Variants in HDAC8 observed in about 807,000 individuals in gnomAD.
HDAC8 encodes the protein histone deacetylase 8.
Under a neutral mutation model 32.2 loss-of-function variants are expected in HDAC8, and 1 was observed. That is an observed-to-expected ratio of 0.03 (90% CI 0.01 to 0.15). The LOEUF is 0.15. Among genes scored for constraint, HDAC8 ranks in the 10% least tolerant of loss-of-function variants. The pLI is 1.00. For missense variants in HDAC8, 117 were observed against 300.0 expected (o/e 0.39, Z 4.51); for synonymous variants, 108 against 113.9 (o/e 0.95, Z 0.33).
chrX:72,445,766 A>C (rs782594465), intron 9 of HDAC8, among the ~76,000 whole-genome samples: 3 of 112,047 alleles, frequency 2.7e-5, no homozygotes, highest in African/African-American at 9.7e-5. Context: ...AATGGGAGAA[A>C]ATTTTCACAA....
At chrX:72,509,406 G>C (rs1473928798) in intron 4 of HDAC8, among the ~76,000 whole-genome samples, 1 of 111,767 alleles carries the variant, frequency 8.9e-6, no homozygotes, top group Non-Finnish European at 1.9e-5. Flanking sequence ...ACCCCGCCCG[G>C]CCTCTCTTAG....
At chrX:72,523,691 T>C (rs1467472175) in intron 4 of HDAC8, among the ~76,000 whole-genome samples, 1 of 112,038 alleles carries the variant, frequency 8.9e-6, no homozygotes, top group Non-Finnish European at 1.9e-5. Context: ...CCAATAGTAA[T>C]AGTGATATTA....
chrX:72,469,935 G>A (rs1393460435), intron 7 of HDAC8, among the ~76,000 whole-genome samples: 4 of 110,345 alleles, frequency 3.6e-5, no homozygotes, highest in Admixed American at 1.9e-4. Context: ...GATCACTTGA[G>A]GTCAGGAGTT....
At chrX:72,552,592 C>T (rs2051115950) in intron 4 of HDAC8, among the ~76,000 whole-genome samples, 1 of 104,215 alleles carries the variant, frequency 9.6e-6, no homozygotes, top group Non-Finnish European at 2.0e-5. Context: ...CCAGCCTGGG[C>T]AACAAGAATG....
chrX:72,440,494 T>C (rs1240780994), intron 9 of HDAC8, among the ~76,000 whole-genome samples: 1 of 106,656 alleles, frequency 9.4e-6, no homozygotes, highest in Non-Finnish European at 1.9e-5. Context: ...CTGAAGGAGA[T>C]AGAGACACAA....
intron 9 of HDAC8, among the ~76,000 whole-genome samples, chrX:72,376,495 T>C (rs782001270): frequency 8.0e-5 from 9 of 112,066 alleles, no homozygotes; most frequent in Non-Finnish European, 5.6e-5. Flanking sequence ...CTTGGATCAC[T>C]GCAACCTCCA....
intron 9 of HDAC8, among the ~76,000 whole-genome samples, chrX:72,406,054 TCTC>T (rs1435028261): frequency 8.9e-6 from 1 of 111,852 alleles, no homozygotes; most frequent in Admixed American, 9.5e-5. Flanking sequence ...CCTGTTGACT[TCTC>T]CTTCCTGGTA....
intron 4 of HDAC8, among the ~76,000 whole-genome samples, chrX:72,523,472 T>C (rs1310904915): frequency 6.3e-5 from 7 of 111,700 alleles, no homozygotes; most frequent in Non-Finnish European, 1.3e-4. Flanking sequence ...CTTAAAACAC[T>C]TTCTTTCCTC....
rs781923234 is a variant in HDAC8 at position 72,406,069 on chromosome X, T to G, written c.1006-54231A>C. On this transcript the variant is annotated intron_variant, in intron 9 of 10. Transcript: ENST00000373573. ...CCTGTTGACTTCTCCTTCCTGGTAG[T>G]TAGTTTTCTTGTGTAAATTGTGATT... Among the ~76,000 whole-genome samples, 20 of 111,727 alleles carry G rather than the reference T, an allele frequency of 1.8e-4. 1 individual carries two copies. The South Asian group carries it at 7.7e-3, about 43-fold the overall frequency.
In HDAC8 at chrX:72,464,668, G is replaced by A; in HGVS notation, c.801C>T (p.Asp267=). The change falls in exon 8 of 11, where the codon GAC becomes GAT. Residue 267 remains aspartate, a synonymous_variant. Transcript: ENST00000373573. ...AGCACATGGGATCCCCAGCTATTGT[G>A]TCAGCTCCCAGCTGTAAGACCACTG... is the stretch of plus-strand genomic sequence containing the variant. The part of the protein sequence containing the change: ...PKAVVLQLGA[D]TIAGDPMCSF... 8.3e-7 allele frequency: 1 copy of A among 1,205,905 alleles called. No homozygotes were observed. Among genetic ancestry groups the A allele is most frequent in the Non-Finnish European group, 1.1e-6 (1 of 890,137 alleles).
chrX:72,537,591 A>G (rs1556040225), intron 4 of HDAC8, among the ~76,000 whole-genome samples: 1 of 112,292 alleles, frequency 8.9e-6, no homozygotes, highest in African/African-American at 3.2e-5. Context: ...TTCCTGGTCA[A>G]GGCATTAACA....
At chrX:72,450,632 A>T (rs1307006077) in intron 9 of HDAC8, among the ~76,000 whole-genome samples, 1 of 111,644 alleles carries the variant, frequency 9.0e-6, no homozygotes, top group African/African-American at 3.3e-5. Flanking sequence ...AAAAAAATTC[A>T]TTGGATGGAA....
intron 4 of HDAC8, among the ~76,000 whole-genome samples, chrX:72,535,388 T>C (rs962755472): frequency 1.6e-4 from 18 of 111,431 alleles, no homozygotes; most frequent in African/African-American, 5.9e-4. Flanking sequence ...CTTTCTCTTT[T>C]TGTATCTCTT....
At chrX:72,546,390 G>T (rs2050864613) in intron 4 of HDAC8, among the ~76,000 whole-genome samples, 1 of 111,205 alleles carries the variant, frequency 9.0e-6, no homozygotes, top group South Asian at 3.9e-4. Flanking sequence ...GGGGAAGAAG[G>T]ATGTGGTCAT....
intron 9 of HDAC8, among the ~76,000 whole-genome samples, chrX:72,357,514 C>G (rs782641425): frequency 4.5e-5 from 5 of 110,411 alleles, no homozygotes; most frequent in Non-Finnish European, 9.5e-5. Flanking sequence ...GTTCTGGCGA[C>G]AATTTGAAAT....
chrX:72,532,348 C>A (rs2050376129), intron 4 of HDAC8, among the ~76,000 whole-genome samples: 1 of 101,445 alleles, frequency 9.9e-6, no homozygotes, highest in African/African-American at 3.6e-5. Context: ...CCCACCTTGT[C>A]CTCCCAAAGT....
intron 7 of HDAC8, chrX:72,468,059 G>A: frequency 8.6e-7 from 1 of 1,161,516 alleles, no homozygotes; most frequent in Non-Finnish European, 1.1e-6. Flanking sequence ...GAAAGGTAGG[G>A]CATCTTGTAC....
chrX:72,421,439 A>T (rs781897985), intron 9 of HDAC8, among the ~76,000 whole-genome samples: 118 of 111,336 alleles, frequency 1.1e-3, no homozygotes, highest in Admixed American at 1.6e-3. Context: ...CGTGTTGGGG[A>T]AAAAAGTGAG....
At chrX:72,413,447 G>A (rs1265160711) in intron 9 of HDAC8, among the ~76,000 whole-genome samples, 1 of 110,610 alleles carries the variant, frequency 9.0e-6, no homozygotes, top group Non-Finnish European at 1.9e-5. Context: ...CATGGATGAA[G>A]CTGTGTAACT....
Sources: allele counts gnomAD v4.1 joint callset (sites outside exome capture counted in the v4.1 genomes callset), GRCh38; gene constraint gnomAD v4.1.1; transcripts MANE v1.5; gene names NCBI Gene and HGNC (gene_info 2026-07-23, HGNC 2026-07-21).